IGF2BP3: variants seen among roughly 807,000 people sequenced by gnomAD.
IGF2BP3 encodes insulin-like growth factor 2 mRNA-binding protein 3.
In IGF2BP3, 9 loss-of-function variants were observed where a neutral mutation model predicts 73.8. The ratio of observed to expected loss-of-function variants is 0.12; its 90% CI spans 0.07 to 0.21. The LOEUF is 0.21. Among genes scored for constraint, IGF2BP3 ranks in the 10% least tolerant of loss-of-function variants. IGF2BP3 has a pLI of 1.00. For synonymous variants in IGF2BP3, 258 were observed against 256.7 expected, an observed-to-expected ratio of 1.01 and a Z score of -0.05; for missense variants, 542 against 714.0, an observed-to-expected ratio of 0.76 and a Z score of 2.75.
At chr7:23,458,238 C>A (rs1788365794) in intron 2 of IGF2BP3, among the ~76,000 whole-genome samples, 1 of 152,054 alleles carries the variant, frequency 6.6e-6, no homozygotes, top group Non-Finnish European at 1.5e-5. Context: ...GGAAATCAAG[C>A]CCAGATCTAG....
intron 3 of IGF2BP3, among the ~76,000 whole-genome samples, chr7:23,399,052 C>G (rs367591628): frequency 1.6e-4 from 24 of 152,166 alleles, no homozygotes; most frequent in African/African-American, 5.8e-4. Context: ...GGTCTAACAT[C>G]TAAGTCTTTA....
In IGF2BP3 at chr7:23,313,506, T is replaced by G; in HGVS notation, c.1527+16A>C. 6.2e-7 allele frequency: 1 copy of G among 1,613,320 alleles called. No homozygotes were observed. Among genetic ancestry groups the G allele is most frequent in the Non-Finnish European group, 8.5e-7 (1 of 1,179,928 alleles). On this transcript the variant is annotated intron_variant, in intron 13 of 14. Coordinates refer to ENST00000258729, the MANE Select transcript of IGF2BP3 (RefSeq NM_006547.3). ...TCCCTTTCATACCACTGCACAGGTT[T>G]TGCTGAAGTACTTGCCGTTTTGCCT...
chr7:23,340,277 G>A (rs1332628041), intron 10 of IGF2BP3, among the ~76,000 whole-genome samples: 1 of 152,102 alleles, frequency 6.6e-6, no homozygotes, highest in African/African-American at 2.4e-5. Context: ...TGATTTCCAG[G>A]CCAAAACATA....
chr7:23,339,761 G>A (rs1014367845), intron 10 of IGF2BP3, among the ~76,000 whole-genome samples: 2 of 152,160 alleles, frequency 1.3e-5, no homozygotes, highest in African/African-American at 4.8e-5. Flanking sequence ...AGCTTTCCTA[G>A]CACAGAGTTA....
chr7:23,348,985 T>C (rs550658149), intron 6 of IGF2BP3, among the ~76,000 whole-genome samples: 68 of 152,300 alleles, frequency 4.5e-4, no homozygotes, highest in African/African-American at 1.6e-3. Flanking sequence ...ATTTCTTTTT[T>C]AAAGTCACAC....
chr7:23,390,662 C>G (rs559611356), intron 3 of IGF2BP3, among the ~76,000 whole-genome samples: 11 of 152,262 alleles, frequency 7.2e-5, no homozygotes, highest in East Asian at 5.8e-4. Context: ...ACCTTTACCC[C>G]CTTTTCTCCC....
intron 2 of IGF2BP3, among the ~76,000 whole-genome samples, chr7:23,465,081 C>A (rs1246413015): frequency 6.6e-6 from 1 of 152,134 alleles, no homozygotes; most frequent in African/African-American, 2.4e-5. Context: ...GCCCAACAGC[C>A]CACAACATAA....
At chr7:23,403,108 A>G (rs990438086) in intron 3 of IGF2BP3, among the ~76,000 whole-genome samples, 1 of 152,216 alleles carries the variant, frequency 6.6e-6, no homozygotes, top group Non-Finnish European at 1.5e-5. Context: ...CTATAACCTG[A>G]CAAAATATTT....
At chr7:23,427,557 G>A (rs2128540117) in intron 2 of IGF2BP3, among the ~76,000 whole-genome samples, 1 of 152,010 alleles carries the variant, frequency 6.6e-6, no homozygotes, top group East Asian at 1.9e-4. Context: ...GCGAGACCTC[G>A]TCTCTACAAA....
intron 2 of IGF2BP3, among the ~76,000 whole-genome samples, chr7:23,447,630 A>C (rs548426391): frequency 5.9e-5 from 9 of 152,146 alleles, no homozygotes; most frequent in African/African-American, 9.6e-5. Context: ...TCTCAGAAAA[A>C]AACAACAACA....
At chr7:23,334,726 G>A (rs1341793814) in intron 10 of IGF2BP3, among the ~76,000 whole-genome samples, 1 of 152,198 alleles carries the variant, frequency 6.6e-6, no homozygotes, top group African/African-American at 2.4e-5. Context: ...TGAAATAACA[G>A]AAGAACAAAG....
At chr7:23,396,930 T>C (rs754640247) in intron 3 of IGF2BP3, among the ~76,000 whole-genome samples, 2 of 152,164 alleles carry the variant, frequency 1.3e-5, no homozygotes, top group Non-Finnish European at 2.9e-5. Context: ...GAAAGGACTT[T>C]TTTTTGTTAA....
Position 23,390,495 on chromosome 7 carries a change from G to A in IGF2BP3, c.285+28281C>T, listed in dbSNP as rs892199634. 2.1e-4 allele frequency among the ~76,000 whole-genome samples: 32 copies of A among 152,270 alleles called. 1 individual carries two copies. Among genetic ancestry groups the A allele is most frequent in the Admixed American group, 9.2e-4 (14 of 15,294 alleles). On this transcript the variant is annotated intron_variant, in intron 3 of 14. Coordinates refer to ENST00000258729, the MANE Select transcript of IGF2BP3 (RefSeq NM_006547.3). ...GAGCTACAGGAAAGCAAAGAGTGCCGCTAGATTAGGGTAAACCACCAGAGC... is the reference window on the plus strand; with the variant it reads ...GAGCTACAGGAAAGCAAAGAGTGCCACTAGATTAGGGTAAACCACCAGAGC...
intron 10 of IGF2BP3, among the ~76,000 whole-genome samples, chr7:23,334,963 T>C (rs576297948): frequency 2.0e-5 from 3 of 150,326 alleles, no homozygotes; most frequent in African/African-American, 7.3e-5. Flanking sequence ...GCTTGTAAAA[T>C]AGATACTCCT....
chr7:23,345,577 T>C (rs1042019809), intron 8 of IGF2BP3, among the ~76,000 whole-genome samples: 7 of 152,216 alleles, frequency 4.6e-5, no homozygotes, highest in Non-Finnish European at 2.9e-5. Flanking sequence ...CCACAAAAAC[T>C]AGCTGAGCAA....
intron 3 of IGF2BP3, among the ~76,000 whole-genome samples, chr7:23,392,515 T>TAC (rs999095640): frequency 6.8e-5 from 10 of 146,590 alleles, no homozygotes; most frequent in East Asian, 1.9e-4. Context: ...CACATATATA[T>TAC]ACACACACAC....
intron 10 of IGF2BP3, among the ~76,000 whole-genome samples, chr7:23,320,505 T>C (rs978674983): frequency 6.6e-6 from 1 of 152,140 alleles, no homozygotes; most frequent in African/African-American, 2.4e-5. Context: ...ACATAATTTA[T>C]GCATTTTCCA....
At chr7:23,462,323 C>G (rs775521844) in intron 2 of IGF2BP3, among the ~76,000 whole-genome samples, 8 of 152,076 alleles carry the variant, frequency 5.3e-5, no homozygotes, top group Non-Finnish European at 1.0e-4. Context: ...GACTTAGGCT[C>G]CTTTCAGCTT....
intron 2 of IGF2BP3, among the ~76,000 whole-genome samples, chr7:23,464,777 C>A (rs1291173360): frequency 1.3e-5 from 2 of 151,496 alleles, no homozygotes; most frequent in Admixed American, 1.3e-4. Context: ...AAGGATCCTG[C>A]CTAGAAAAAT....
Sources: allele counts gnomAD v4.1 joint callset (sites outside exome capture counted in the v4.1 genomes callset), GRCh38; gene constraint gnomAD v4.1.1; transcripts MANE v1.5; gene names NCBI Gene and HGNC (gene_info 2026-07-23, HGNC 2026-07-21).